Variants in RAB3GAP1 observed in about 807,000 individuals in gnomAD.
RAB3GAP1 encodes rab3 GTPase-activating protein catalytic subunit.
RAB3GAP1 carries 86 observed loss-of-function variants against 130.7 expected under a neutral mutation model. The observed-to-expected ratio is 0.66, with a 90% confidence interval of 0.55 to 0.79. RAB3GAP1 has a LOEUF of 0.79. Among genes scored for constraint, RAB3GAP1 ranks in the 30% least tolerant of loss-of-function variants. The probability of loss-of-function intolerance (pLI) is 0.00; values close to 1 mark genes in which losing one functional copy is unlikely to be tolerated. For missense variants in RAB3GAP1, 1,029 were observed against 1,169.4 expected (o/e 0.88, Z 1.75); for synonymous variants, 367 against 401.7 (o/e 0.91, Z 1.03).
intron 17 of RAB3GAP1, among the ~76,000 whole-genome samples, chr2:135,143,112 A>G (rs1691892142): frequency 6.6e-6 from 1 of 152,012 alleles, no homozygotes; most frequent in South Asian, 2.1e-4. Context: ...CTTTTAAATT[A>G]GATTTCTTTA....
chr2:135,074,500 C>G (rs191266949), intron 3 of RAB3GAP1, among the ~76,000 whole-genome samples: 3 of 152,346 alleles, frequency 2.0e-5, no homozygotes, highest in Middle Eastern at 6.8e-3. Flanking sequence ...AACTCTTACC[C>G]GATTGGGTGG....
At chr2:135,054,891 C>T (rs948454336) in intron 2 of RAB3GAP1, among the ~76,000 whole-genome samples, 9 of 152,030 alleles carry the variant, frequency 5.9e-5, no homozygotes, top group Admixed American at 6.5e-5. Flanking sequence ...AGTCTCAAAC[C>T]TTGAGTTTAA....
Position 135,146,199 on chromosome 2 carries a change from CTTTTTTTT to C in RAB3GAP1, c.1924-4154_1924-4147del, listed in dbSNP as rs1173567563. Among the ~76,000 whole-genome samples the C allele has an allele frequency of 9.3e-5, 9 of 96,594 alleles. No individual in the cohort carries two copies. In the Admixed American group the frequency reaches 9.9e-4, roughly 11 times the overall value. 63.4% of individuals were successfully genotyped at this position (96,594 alleles called of 152,430 possible). A position where few individuals can be genotyped will look rare whatever the true frequency, so the allele number is the denominator to read the frequency against. On this transcript the variant is annotated intron_variant, in intron 17 of 23. Transcript: ENST00000264158. ...CCAAGTGTATAAGTGCATATTTGTTCTTTTTTTTTTTTTTTTTTTTTTTGAGACAAGGT... is the reference window on the plus strand; with the variant it reads ...CCAAGTGTATAAGTGCATATTTGTTCTTTTTTTTTTTTTTTGAGACAAGGT...
chr2:135,152,685 T>C (rs1692209274), intron 18 of RAB3GAP1, among the ~76,000 whole-genome samples: 1 of 152,170 alleles, frequency 6.6e-6, no homozygotes. Context: ...TAGGGGTATA[T>C]CCTAAGATGG....
At chr2:135,099,623 G>A (rs1279084311) in intron 5 of RAB3GAP1, among the ~76,000 whole-genome samples, 5 of 150,940 alleles carry the variant, frequency 3.3e-5, no homozygotes, top group South Asian at 4.2e-4. Context: ...AAAGTATTTT[G>A]TTCTCTTTTA....
intron 5 of RAB3GAP1, among the ~76,000 whole-genome samples, chr2:135,101,878 T>C (rs1690460324): frequency 6.6e-6 from 1 of 152,192 alleles, no homozygotes; most frequent in Admixed American, 6.5e-5. Flanking sequence ...TTATGCTTCA[T>C]GATAATATAA....
At chr2:135,136,321 T>A (rs1204999835) in intron 17 of RAB3GAP1, among the ~76,000 whole-genome samples, 1 of 151,878 alleles carries the variant, frequency 6.6e-6, no homozygotes, top group Non-Finnish European at 1.5e-5. Flanking sequence ...GCAAGACTCT[T>A]GTCTCAAAAG....
At position 135,129,988 on chromosome 2, in the gene RAB3GAP1, T is replaced by C. The variant is rs1159575646; in HGVS notation, c.974-7T>C. ...AAGTGTCAAAAATAACTTTTTTTCC[T>C]ACATAGGTGATTTTGTCACTGAATT... On this transcript the variant is annotated splice_polypyrimidine_tract_variant and splice_region_variant and intron_variant, in intron 11 of 23. Coordinates refer to ENST00000264158, the MANE Select transcript of RAB3GAP1 (RefSeq NM_012233.3). 3 of 1,591,186 alleles carry C rather than the reference T, an allele frequency of 1.9e-6. No homozygotes were observed. The Admixed American group carries it at 5.0e-5, about 27-fold the overall frequency.
intron 24 of RAB3GAP1, among the ~76,000 whole-genome samples, chr2:135,175,846 A>C (rs1217784729): frequency 8.5e-5 from 13 of 152,254 alleles, no homozygotes; most frequent in Admixed American, 8.5e-4. Flanking sequence ...AGCTACTGAT[A>C]AATTTGGCAA....
At chr2:135,063,312 A>T (rs1009444631) in intron 3 of RAB3GAP1, among the ~76,000 whole-genome samples, 2 of 152,136 alleles carry the variant, frequency 1.3e-5, no homozygotes, top group Non-Finnish European at 2.9e-5. Flanking sequence ...TTGATTAAAA[A>T]TTTTTTTGTT....
chr2:135,077,796 A>G (rs1055947152), intron 3 of RAB3GAP1, among the ~76,000 whole-genome samples: 1 of 152,102 alleles, frequency 6.6e-6, no homozygotes, highest in Non-Finnish European at 1.5e-5. Flanking sequence ...TTCTCCAATA[A>G]TTAGTGATGT....
At chr2:135,059,871 A>C (rs1689118138) in intron 3 of RAB3GAP1, among the ~76,000 whole-genome samples, 1 of 152,188 alleles carries the variant, frequency 6.6e-6, no homozygotes. Context: ...GCAGATTTCA[A>C]GGTGAGCTGT....
chr2:135,091,317 C>G (rs1690135425), intron 4 of RAB3GAP1, among the ~76,000 whole-genome samples, 187 bp downstream of exon 4: 1 of 152,080 alleles, frequency 6.6e-6, no homozygotes, highest in Non-Finnish European at 1.5e-5. Flanking sequence ...TTAATTAAAT[C>G]AGCTCATATT....
At chr2:135,106,365 G>A (rs1184748577) in intron 5 of RAB3GAP1, among the ~76,000 whole-genome samples, 1 of 152,260 alleles carries the variant, frequency 6.6e-6, no homozygotes, top group African/African-American at 2.4e-5. Flanking sequence ...TGCTGTGTCT[G>A]TGTAGAAAGA....
At chr2:135,066,563 C>T (rs925239551) in intron 3 of RAB3GAP1, among the ~76,000 whole-genome samples, 15 of 152,174 alleles carry the variant, frequency 9.9e-5, no homozygotes, top group Middle Eastern at 3.2e-3. Flanking sequence ...GCCTTCAGAA[C>T]CCATGTTCTT....
At chr2:135,058,433 G>A (rs2104822639) in intron 3 of RAB3GAP1, 1 of 181,786 alleles carries the variant, frequency 5.5e-6, no homozygotes, top group Non-Finnish European at 1.1e-5. Flanking sequence ...TTTGGTCAGA[G>A]AAACATTGCA....
downstream of RAB3GAP1, among the ~76,000 whole-genome samples, chr2:135,173,636 T>G (rs1017603813): frequency 2.0e-5 from 3 of 152,088 alleles, no homozygotes; most frequent in Non-Finnish European, 2.9e-5. Flanking sequence ...GCTAGCAGGG[T>G]GGGTGCACTT....
chr2:135,088,079 G>A (rs1690038385), intron 3 of RAB3GAP1, among the ~76,000 whole-genome samples: 1 of 152,130 alleles, frequency 6.6e-6, no homozygotes, highest in African/African-American at 2.4e-5. Flanking sequence ...AATACAATCA[G>A]ATCTTCCTCT....
In RAB3GAP1 at chr2:135,052,316, C is replaced by G. The variant is rs748971304; in HGVS notation, c.9C>G (p.Ala3=). 3.0e-5 allele frequency: 48 copies of G among 1,613,842 alleles called. No homozygotes were observed. The highest frequency in any genetic ancestry group is 4.1e-5 in the Non-Finnish European group (48 of 1,180,036). MA[A]DSEPESEVFE... is the part of the protein sequence containing the mutation. ...GCCCGGCGCTCCTCAAGATGGCTGC[C>G]GACAGTGAGGTGATTTCTTTGCTCC... is the stretch of plus-strand genomic sequence containing the variant. Residue 3 remains alanine (A), a synonymous_variant, in exon 1 of 24, where the codon GCC becomes GCG. Coordinates refer to ENST00000264158, the MANE Select transcript of RAB3GAP1 (RefSeq NM_012233.3).
Sources: allele counts gnomAD v4.1 joint callset (sites outside exome capture counted in the v4.1 genomes callset), GRCh38; gene constraint gnomAD v4.1.1; transcripts MANE v1.5; gene names NCBI Gene and HGNC (gene_info 2026-07-23, HGNC 2026-07-21).